STAU1: variants seen among roughly 807,000 people sequenced by gnomAD.
The protein encoded by STAU1 is staufen double-stranded RNA binding protein 1, also known as double-stranded RNA-binding protein Staufen homolog 1.
In STAU1, 13 loss-of-function variants were observed where a neutral mutation model predicts 62.9. The observed-to-expected ratio is 0.21, with a 90% confidence interval of 0.13 to 0.33. The LOEUF (loss-of-function observed/expected upper bound fraction) is 0.33. Among genes scored for constraint, STAU1 ranks in the 10% least tolerant of loss-of-function variants. The pLI is 1.00. For missense variants in STAU1, 571 were observed against 712.1 expected (o/e 0.80, Z 2.25); for synonymous variants, 269 against 265.1 (o/e 1.01, Z -0.14).
In STAU1 at chr20:49,114,662, G is replaced by T. The variant is rs578060891; in HGVS notation, c.*216C>A. ...GCTGCTATTGCGTAGGGACCGCCAG[G>T]TCACCGAGTGGCCATCACAACAAAC... On this transcript the variant is annotated 3_prime_UTR_variant, in exon 14 of 14. Coordinates refer to ENST00000371856, the MANE Select transcript of STAU1 (RefSeq NM_017453.4). 5 of 526,528 alleles carry T rather than the reference G, an allele frequency of 9.5e-6. No individual in the cohort carries two copies. In the Admixed American group the frequency reaches 1.7e-4, roughly 17 times the overall value. The allele number at this position is 526,528 out of a possible 1,614,324, so 32.6% of individuals were successfully genotyped here. A position where few individuals can be genotyped will look rare whatever the true frequency, so the allele number is the denominator to read the frequency against.
intron 8 of STAU1, among the ~76,000 whole-genome samples, chr20:49,122,132 T>C (rs2092478384): frequency 6.6e-6 from 1 of 152,266 alleles, no homozygotes; most frequent in Non-Finnish European, 1.5e-5. Context: ...ATAAGGATTC[T>C]GTCTTACATC....
the STAU1 span, among the ~76,000 whole-genome samples, chr20:49,197,373 T>C: frequency 6.6e-6 from 1 of 150,434 alleles, no homozygotes; most frequent in Non-Finnish European, 1.5e-5. Context: ...CATACATATA[T>C]ACATATACAT....
intron 1 of STAU1, among the ~76,000 whole-genome samples, chr20:49,177,699 A>T (rs1295303322): frequency 6.6e-6 from 1 of 151,970 alleles, no homozygotes; most frequent in Non-Finnish European, 1.5e-5. Context: ...AAAAAATTTT[A>T]AAACACACAT....
At chr20:49,163,169 C>A (rs950798944) in intron 3 of STAU1, among the ~76,000 whole-genome samples, 17 of 151,114 alleles carry the variant, frequency 1.1e-4, no homozygotes, top group Non-Finnish European at 2.4e-4. Flanking sequence ...TCTAGCCCGG[C>A]GACAGAGCGA....
chr20:49,180,410 A>C (rs1015395062), intron 1 of STAU1, among the ~76,000 whole-genome samples: 1 of 147,856 alleles, frequency 6.8e-6, no homozygotes, highest in African/African-American at 2.5e-5. Context: ...TGCAAACTCC[A>C]CCTCCCGGGT....
intron 5 of STAU1, among the ~76,000 whole-genome samples, chr20:49,147,659 C>T (rs1330702457): frequency 1.3e-5 from 2 of 152,198 alleles, no homozygotes; most frequent in African/African-American, 4.8e-5. Flanking sequence ...CGATGTTCTT[C>T]CCGACCCATT....
intron 4 of STAU1, 152 bp from the exon 5 acceptor site, chr20:49,151,899 A>G: frequency 1.4e-6 from 1 of 707,656 alleles, no homozygotes; most frequent in Non-Finnish European, 2.2e-6. Flanking sequence ...CAGAGATTTC[A>G]TAAAAGCTTA....
At chr20:49,123,830 G>GA (rs1230529397) in intron 7 of STAU1, among the ~76,000 whole-genome samples, 1 of 152,208 alleles carries the variant, frequency 6.6e-6, no homozygotes, top group African/African-American at 2.4e-5. Flanking sequence ...GATACAGCAT[G>GA]AAACTACATA....
chr20:49,148,918 C>T (rs1034082864), intron 5 of STAU1, among the ~76,000 whole-genome samples: 5 of 152,144 alleles, frequency 3.3e-5, no homozygotes, highest in African/African-American at 9.7e-5. Context: ...TGTGGTTCCC[C>T]AACCTTGACC....
intron 6 of STAU1, among the ~76,000 whole-genome samples, chr20:49,132,633 C>A (rs986349547): frequency 3.9e-5 from 6 of 152,066 alleles, no homozygotes; most frequent in African/African-American, 9.7e-5. Context: ...GTGGTGTGCA[C>A]CTGTAATCCC....
At chr20:49,185,331 T>G (rs1239412802) in intron 1 of STAU1, among the ~76,000 whole-genome samples, 1 of 152,258 alleles carries the variant, frequency 6.6e-6, no homozygotes, top group Non-Finnish European at 1.5e-5. Flanking sequence ...TCTGTATTTG[T>G]TCGCTTTTCA....
At chr20:49,124,887 G>A (rs1452403809) in intron 6 of STAU1, among the ~76,000 whole-genome samples, 2 of 151,826 alleles carry the variant, frequency 1.3e-5, no homozygotes, top group Non-Finnish European at 2.9e-5. Flanking sequence ...ACTGCAACTG[G>A]CAAAAAGGAA....
At chr20:49,201,756 A>AAAG in the STAU1 span, among the ~76,000 whole-genome samples, 2 of 147,972 alleles carry the variant, frequency 1.4e-5, no homozygotes, top group Non-Finnish European at 1.5e-5. Flanking sequence ...AAAAAAAAAA[A>AAAG]AAAAATGGGG....
At chr20:49,183,674 T>C (rs939072607) in intron 1 of STAU1, among the ~76,000 whole-genome samples, 2 of 152,198 alleles carry the variant, frequency 1.3e-5, no homozygotes, top group African/African-American at 4.8e-5. Flanking sequence ...ATGATATCAA[T>C]GATCTGGACT....
intron 3 of STAU1, among the ~76,000 whole-genome samples, chr20:49,160,675 T>C (rs1458022099): frequency 6.6e-6 from 1 of 152,226 alleles, no homozygotes; most frequent in Non-Finnish European, 1.5e-5. Flanking sequence ...AGTCAGACTT[T>C]CATTCTCTAA....
At chr20:49,171,501 G>A (rs571999498) in intron 2 of STAU1, among the ~76,000 whole-genome samples, 8 of 152,106 alleles carry the variant, frequency 5.3e-5, no homozygotes, top group South Asian at 4.2e-4. Flanking sequence ...GGGTTTCACC[G>A]TGGTCTCTAT....
At chr20:49,155,127 C>A (rs2093337876) in intron 3 of STAU1, among the ~76,000 whole-genome samples, 1 of 151,428 alleles carries the variant, frequency 6.6e-6, no homozygotes, top group African/African-American at 2.4e-5. Flanking sequence ...CAGAGGAGTT[C>A]AAAAAACACA....
At chr20:49,158,860 G>A (rs898498500) in intron 3 of STAU1, 8 of 1,013,268 alleles carry the variant, frequency 7.9e-6, no homozygotes, top group Admixed American at 5.8e-5. Flanking sequence ...AGCAGATCGC[G>A]CCACTGCACT....
rs940832046 is a variant in STAU1 at position 49,142,118 on chromosome 20, G to A, written c.511-6187C>T. ...TATTTTGTTTTTGAGATGAAGTCTCGCTCTGTTGCCCAGACTGGAGTGCAG... is the reference window on the plus strand; with the variant it reads ...TATTTTGTTTTTGAGATGAAGTCTCACTCTGTTGCCCAGACTGGAGTGCAG... On this transcript the variant is annotated intron_variant, in intron 5 of 13. Coordinates refer to ENST00000371856, the MANE Select transcript of STAU1 (RefSeq NM_017453.4). 3.9e-5 allele frequency among the ~76,000 whole-genome samples: 6 copies of A among 152,026 alleles called. No individual in the cohort carries two copies. In the South Asian group the frequency reaches 1.0e-3, roughly 26 times the overall value.
Sources: allele counts gnomAD v4.1 joint callset (sites outside exome capture counted in the v4.1 genomes callset), GRCh38; gene constraint gnomAD v4.1.1; transcripts MANE v1.5; gene names NCBI Gene and HGNC (gene_info 2026-07-23, HGNC 2026-07-21).